RAB38: variants seen among roughly 807,000 people sequenced by gnomAD.
The protein encoded by RAB38 is RAB38, member RAS oncogene family.
Under a neutral mutation model 18.4 loss-of-function variants are expected in RAB38, and 15 were observed. The observed-to-expected ratio is 0.82, with a 90% CI of 0.55 to 1.26. The LOEUF is 1.26. Among genes scored for constraint, RAB38 ranks in the 50% most tolerant of loss-of-function variants. The pLI is 0.00. For missense variants in RAB38, 294 were observed against 267.4 expected, an observed-to-expected ratio of 1.10 and a Z score of -0.69; for synonymous variants, 101 against 104.4, an observed-to-expected ratio of 0.97 and a Z score of 0.20.
the RAB38 span, among the ~76,000 whole-genome samples, chr11:88,053,125 ATAT>A: frequency 7.5e-6 from 1 of 133,022 alleles, no homozygotes; most frequent in African/African-American, 2.8e-5. Flanking sequence ...TGGAATATAT[ATAT>A]TATATATACA....
the RAB38 span, among the ~76,000 whole-genome samples, chr11:87,940,166 CA>C: frequency 2.7e-3 from 343 of 127,390 alleles, no homozygotes; most frequent in South Asian, 5.1e-3. Context: ...CCAGATAATA[CA>C]AAAAAAAAAA....
chr11:88,095,914 C>T, the RAB38 span, among the ~76,000 whole-genome samples: 1 of 151,842 alleles, frequency 6.6e-6, no homozygotes, highest in Non-Finnish European at 1.5e-5. Context: ...TGAGTCAACA[C>T]TCAGTGACTT....
At chr11:88,061,823 A>C in the RAB38 span, 1 of 151,892 alleles carries the variant, frequency 6.6e-6, no homozygotes, top group Non-Finnish European at 1.5e-5. Context: ...TCACTACAAG[A>C]AAATGGTCAG....
chr11:88,029,033 G>T, the RAB38 span, among the ~76,000 whole-genome samples: 4 of 152,028 alleles, frequency 2.6e-5, no homozygotes, highest in Non-Finnish European at 2.9e-5. Flanking sequence ...CGGATCTCTC[G>T]GCAGAAACTC....
the RAB38 span, among the ~76,000 whole-genome samples, chr11:87,932,682 G>T: frequency 1.3e-5 from 2 of 152,056 alleles, no homozygotes; most frequent in South Asian, 2.1e-4. Flanking sequence ...TAAGCATTTA[G>T]ATCCCATCTA....
the RAB38 span, among the ~76,000 whole-genome samples, chr11:87,935,842 G>T: frequency 6.6e-6 from 1 of 152,096 alleles, no homozygotes; most frequent in South Asian, 2.1e-4. Flanking sequence ...GAAACATTAT[G>T]CACTCCACTT....
chr11:88,158,650 G>A (rs1282214020), intron 1 of RAB38, among the ~76,000 whole-genome samples: 1 of 152,080 alleles, frequency 6.6e-6, no homozygotes, highest in South Asian at 2.1e-4. Flanking sequence ...TACATAAACA[G>A]AATTAAAAAC....
the RAB38 span, among the ~76,000 whole-genome samples, chr11:87,962,079 C>T: frequency 8.5e-5 from 13 of 152,284 alleles, no homozygotes; most frequent in African/African-American, 3.1e-4. Context: ...GTTACTAGCA[C>T]TACATTATAA....
the RAB38 span, among the ~76,000 whole-genome samples, chr11:87,975,472 G>A: frequency 1.3e-5 from 2 of 151,818 alleles, no homozygotes; most frequent in South Asian, 4.1e-4. Flanking sequence ...AATAATACCA[G>A]ATAAAAAATC....
At chr11:88,150,529 A>G (rs565704686) in intron 1 of RAB38, among the ~76,000 whole-genome samples, 24 of 152,242 alleles carry the variant, frequency 1.6e-4, no homozygotes, top group African/African-American at 3.4e-4. Context: ...AAAATTATGG[A>G]GTATGTTTAA....
chr11:88,055,821 G>A, the RAB38 span, among the ~76,000 whole-genome samples: 2 of 152,176 alleles, frequency 1.3e-5, no homozygotes, highest in Non-Finnish European at 2.9e-5. Flanking sequence ...TTAAACTGCA[G>A]CAACTCAGAG....
the RAB38 span, among the ~76,000 whole-genome samples, chr11:87,965,320 T>G: frequency 5.3e-5 from 8 of 152,072 alleles, no homozygotes; most frequent in East Asian, 1.5e-3. Context: ...TTACTGTGCT[T>G]GGGAAGGGCA....
the RAB38 span, among the ~76,000 whole-genome samples, chr11:88,077,242 AT>A: frequency 6.6e-6 from 1 of 152,058 alleles, no homozygotes; most frequent in South Asian, 2.1e-4. Flanking sequence ...TAAAGATTCA[AT>A]CCTGGTCCTT....
At chr11:87,949,462 G>A in the RAB38 span, among the ~76,000 whole-genome samples, 2 of 152,058 alleles carry the variant, frequency 1.3e-5, no homozygotes, top group African/African-American at 4.8e-5. Context: ...TGCTTTTCTA[G>A]TTCTTTTAAA....
the RAB38 span, among the ~76,000 whole-genome samples, chr11:87,909,319 G>A: frequency 1.1e-5 from 1 of 94,442 alleles, no homozygotes; most frequent in Admixed American, 1.2e-4. Context: ...CCCTTCCTAT[G>A]TGCCACAGCA....
chr11:88,085,347 G>A, the RAB38 span, among the ~76,000 whole-genome samples: 1 of 151,904 alleles, frequency 6.6e-6, no homozygotes, highest in Non-Finnish European at 1.5e-5. Context: ...TGGGTAAAAA[G>A]CAGAGGTGTC....
At chr11:88,115,017 A>C (rs1942529336) in intron 2 of RAB38, among the ~76,000 whole-genome samples, 1 of 152,254 alleles carries the variant, frequency 6.6e-6, no homozygotes, top group Non-Finnish European at 1.5e-5. Flanking sequence ...ATAAACTTGA[A>C]TTTGGAAAAA....
At chr11:87,867,529 C>T in the RAB38 span, among the ~76,000 whole-genome samples, 1 of 151,670 alleles carries the variant, frequency 6.6e-6, no homozygotes, top group South Asian at 2.1e-4. Context: ...AAGTAGAAGA[C>T]ATTGGTGGAG....
chr11:88,122,186 C>T (rs142722837), intron 2 of RAB38, among the ~76,000 whole-genome samples: 141 of 152,276 alleles, frequency 9.3e-4, no homozygotes, highest in African/African-American at 3.3e-3. Context: ...TGACAGTTTA[C>T]TATTCCCGAG....
Sources: gnomAD v4.1 joint callset for allele counts (sites outside exome capture counted in the v4.1 genomes callset) on GRCh38, gnomAD v4.1.1 for gene constraint, MANE v1.5 for transcripts, NCBI Gene and HGNC (gene_info 2026-07-23, HGNC 2026-07-21) for gene names.